USH2A: variants seen among roughly 807,000 people sequenced by gnomAD.
USH2A encodes Usher syndrome 2A (autosomal recessive, mild).
In USH2A, 443 loss-of-function variants were observed where a neutral mutation model predicts 538.9. That is an observed-to-expected ratio of 0.82 (90% CI 0.76 to 0.89). The LOEUF is 0.89. Ranked by LOEUF, USH2A falls within the 40% of genes least tolerant of loss-of-function variation. USH2A has a pLI of 0.00. For missense variants in USH2A, 6,633 were observed against 6,324.8 expected, an observed-to-expected ratio of 1.05 and a Z score of -1.65; for synonymous variants, 2,413 against 2,273.5, an observed-to-expected ratio of 1.06 and a Z score of -1.75.
chr1:216,375,440 A>G (rs1183415958), intron 3 of USH2A, among the ~76,000 whole-genome samples: 2 of 152,136 alleles, frequency 1.3e-5, no homozygotes, highest in Non-Finnish European at 2.9e-5. Flanking sequence ...CTTTCCTTAA[A>G]CCTTGTGAAC....
intron 15 of USH2A, among the ~76,000 whole-genome samples, chr1:216,210,235 A>G (rs2035210216): frequency 6.7e-6 from 1 of 150,142 alleles, no homozygotes. Context: ...GTCGTGATCA[A>G]CTAAGTATAC....
intron 20 of USH2A, among the ~76,000 whole-genome samples, chr1:216,181,168 T>C (rs1432373032): frequency 6.6e-6 from 1 of 152,160 alleles, no homozygotes; most frequent in African/African-American, 2.4e-5. Context: ...AGGCTCTAGA[T>C]TGGCTCTTTA....
chr1:216,008,572 G>A (rs928287107), intron 32 of USH2A, among the ~76,000 whole-genome samples: 23 of 152,088 alleles, frequency 1.5e-4, no homozygotes, highest in East Asian at 5.8e-4. Flanking sequence ...GCCGTGACTC[G>A]GATCGGGGGA....
At position 216,292,284 on chromosome 1, in the gene USH2A, G is replaced by T; in HGVS notation, c.1731C>A (p.Cys577Ter). 1 of 1,614,086 alleles carries T rather than the reference G, an allele frequency of 6.2e-7. No homozygotes were observed. Residue 577 changes from cysteine (C) to a stop codon, truncating the protein, a stop_gained, in exon 10 of 72, where the codon TGC becomes TGA. Transcript: ENST00000307340. LOFTEE classifies it high-confidence loss of function. Reference protein sequence around the residue: ...VYAFNCKPCQCNSHSKSCHYN... With the variant: ...VYAFNCKPCQ ...AATGGCAGCTTTTGGAATGGCTGTT[G>T]CATTGACAAGGTTTACAATTGAAAG...
At chr1:216,000,285 C>G in intron 33 of USH2A, 118 bp downstream of exon 33, 2 of 1,378,084 alleles carry the variant, frequency 1.5e-6, no homozygotes, top group South Asian at 2.4e-5. Flanking sequence ...CTGAACTAAT[C>G]ACTTCTATGC....
chr1:216,125,641 C>G (rs912893036), intron 21 of USH2A, among the ~76,000 whole-genome samples: 17 of 152,140 alleles, frequency 1.1e-4, no homozygotes, highest in Non-Finnish European at 5.9e-5. Flanking sequence ...GGATAAACAT[C>G]TTTTTATCAG....
At chr1:215,835,397 G>A (rs1161383913) in intron 47 of USH2A, among the ~76,000 whole-genome samples, 1 of 151,908 alleles carries the variant, frequency 6.6e-6, no homozygotes, top group Non-Finnish European at 1.5e-5. Context: ...TGCTTTTGAG[G>A]GCAGAACTGG....
At position 216,246,999 on chromosome 1, in the gene USH2A, T is replaced by C. The variant is rs1316648208; in HGVS notation, c.2395A>G (p.Thr799Ala). The change falls in exon 13 of 72, where the codon ACA becomes GCA. Residue 799 changes from threonine (T) to alanine (A), a missense_variant. By Grantham distance (58) the Thr-to-Ala change is moderately conservative (BLOSUM62 0). Coordinates refer to ENST00000307340, the MANE Select transcript of USH2A (RefSeq NM_206933.4). ...ACAGTCCCAGGGAGGGATCCAGCTG[T>C]GTCACAGTCACAGGCCTTACAATTG... is the stretch of plus-strand genomic sequence containing the variant. The part of the protein sequence containing the change: ...VTNCKACDCD[T>A]AGSLPGTVCN... 2.5e-6 allele frequency: 4 copies of C among 1,613,942 alleles called. No homozygotes were observed. In the South Asian group the frequency reaches 3.3e-5, roughly 13 times the overall value.
intron 3 of USH2A, among the ~76,000 whole-genome samples, chr1:216,392,090 A>G (rs944289156): frequency 6.6e-6 from 1 of 152,214 alleles, no homozygotes; most frequent in Non-Finnish European, 1.5e-5. Context: ...TTAACATGCT[A>G]TGTAAGTACT....
chr1:215,801,021 G>A (rs939478234), intron 49 of USH2A, among the ~76,000 whole-genome samples: 1 of 151,454 alleles, frequency 6.6e-6, no homozygotes, highest in Non-Finnish European at 1.5e-5. Flanking sequence ...ATAGAACAAA[G>A]GGGAAAAAAA....
intron 3 of USH2A, among the ~76,000 whole-genome samples, chr1:216,380,523 G>T (rs1007961152): frequency 2.0e-5 from 3 of 152,146 alleles, no homozygotes; most frequent in Admixed American, 1.3e-4. Context: ...GGAAATTCCA[G>T]TTATTTTCCA....
At chr1:216,038,506 T>C (rs1190966265) in intron 32 of USH2A, among the ~76,000 whole-genome samples, 1 of 152,010 alleles carries the variant, frequency 6.6e-6, no homozygotes, top group Admixed American at 6.6e-5. Context: ...TCCACTTTCT[T>C]ATTCTATTTA....
intron 11 of USH2A, among the ~76,000 whole-genome samples, chr1:216,268,488 T>C (rs549054865): frequency 3.3e-5 from 5 of 152,260 alleles, no homozygotes; most frequent in Non-Finnish European, 7.4e-5. Flanking sequence ...ACTCTGTACA[T>C]TTCACACTGG....
intron 13 of USH2A, among the ~76,000 whole-genome samples, chr1:216,245,457 T>A (rs2036018204): frequency 8.7e-6 from 1 of 115,086 alleles, no homozygotes; most frequent in African/African-American, 3.5e-5. Context: ...AAGAGAGAGG[T>A]AAAGTCCCCT....
At chr1:216,150,103 G>A (rs1004602754) in intron 21 of USH2A, among the ~76,000 whole-genome samples, 3 of 151,766 alleles carry the variant, frequency 2.0e-5, no homozygotes, top group Admixed American at 6.6e-5. Flanking sequence ...CACTTAGGCC[G>A]AGCCCCAAAA....
chr1:216,198,706 G>T, intron 17 of USH2A, 122 bp from the exon 18 acceptor site: 2 of 917,274 alleles, frequency 2.2e-6, no homozygotes, highest in Non-Finnish European at 3.3e-6. Context: ...TTAGATTACT[G>T]TCAATTTCTT....
At chr1:215,764,048 C>T (rs937406229) in intron 56 of USH2A, among the ~76,000 whole-genome samples, 2 of 152,004 alleles carry the variant, frequency 1.3e-5, no homozygotes, top group East Asian at 1.9e-4. Flanking sequence ...TGGCGAAGTA[C>T]TGAGGTTAAA....
At chr1:215,787,071 G>A (rs955461459) in intron 51 of USH2A, among the ~76,000 whole-genome samples, 197 bp from the exon 52 acceptor site, 1 of 152,106 alleles carries the variant, frequency 6.6e-6, no homozygotes, top group African/African-American at 2.4e-5. Flanking sequence ...GTCACAAATT[G>A]GGATTAAAAT....
rs540537272 is a variant in USH2A, at chr1:216,198,459, T to C, written c.3937A>G (p.Asn1313Asp). The change falls in exon 18 of 72, where the codon AAT becomes GAT. Residue 1313 changes from asparagine to aspartate, a missense_variant. Physicochemically the swap from Asn to Asp is conservative, Grantham distance 23. Transcript: ENST00000307340. ...LSPHSFVESA[N>D]ENALKPPQTM... The stretch of plus-strand genomic sequence containing the variant: ...TGAGGAGGTTTTAATGCATTTTCAT[T>C]GGCCGATTCTACAAATGAATGAGGA... 1.7e-5 allele frequency: 27 copies of C among 1,614,028 alleles called. No homozygotes were observed. Among genetic ancestry groups the C allele is most frequent in the African/African-American group, 5.3e-5 (4 of 75,040 alleles).
Sources: allele counts gnomAD v4.1 joint callset (sites outside exome capture counted in the v4.1 genomes callset), GRCh38; gene constraint gnomAD v4.1.1; transcripts MANE v1.5; gene names NCBI Gene and HGNC (gene_info 2026-07-23, HGNC 2026-07-21).